DLG2: variants seen among roughly 807,000 people sequenced by gnomAD.
DLG2 encodes the protein disks large homolog 2.
Under a neutral mutation model 132.5 loss-of-function variants are expected in DLG2, and 45 were observed. The ratio of observed to expected loss-of-function variants is 0.34; its 90% CI spans 0.27 to 0.44. DLG2 has a LOEUF of 0.44. Ranked by LOEUF, DLG2 falls within the 20% of genes least tolerant of loss-of-function variation. DLG2 has a pLI of 1.00. For missense variants in DLG2, 1,045 were observed against 1,196.9 expected, an observed-to-expected ratio of 0.87 and a Z score of 1.87; for synonymous variants, 424 against 419.6, an observed-to-expected ratio of 1.01 and a Z score of -0.13.
intron 18 of DLG2, among the ~76,000 whole-genome samples, chr11:83,772,225 T>C (rs918073135): frequency 3.9e-5 from 6 of 151,946 alleles, no homozygotes; most frequent in South Asian, 2.1e-4. Context: ...CTGGGCAACA[T>C]AGTGAAACCC....
intron 3 of DLG2, among the ~76,000 whole-genome samples, chr11:85,598,284 T>C (rs1244933655): frequency 2.0e-5 from 3 of 152,108 alleles, no homozygotes; most frequent in Non-Finnish European, 4.4e-5. Flanking sequence ...ATCATTTTTA[T>C]GTTACACAAT....
intron 7 of DLG2, among the ~76,000 whole-genome samples, chr11:84,376,704 T>C (rs1235405945): frequency 1.3e-5 from 2 of 150,920 alleles, no homozygotes; most frequent in Admixed American, 6.6e-5. Flanking sequence ...AAAAACCTAA[T>C]GGAAAATTAA....
At chr11:85,553,699 A>G (rs1458275540) in intron 3 of DLG2, among the ~76,000 whole-genome samples, 1 of 151,606 alleles carries the variant, frequency 6.6e-6, no homozygotes. Flanking sequence ...TATAAAAATT[A>G]TCCATATAAC....
chr11:84,909,234 C>T (rs561386487), intron 6 of DLG2, among the ~76,000 whole-genome samples: 5 of 152,282 alleles, frequency 3.3e-5, no homozygotes, highest in Admixed American at 1.3e-4. Flanking sequence ...CATTTCTTTA[C>T]AAGATTACTG....
At chr11:85,226,221 T>C (rs1244406026) in intron 4 of DLG2, among the ~76,000 whole-genome samples, 1 of 151,518 alleles carries the variant, frequency 6.6e-6, no homozygotes, top group Non-Finnish European at 1.5e-5. Context: ...TAACAATATA[T>C]GTAGAGCACA....
chr11:85,579,534 T>C (rs944414892), intron 3 of DLG2, among the ~76,000 whole-genome samples: 1 of 152,098 alleles, frequency 6.6e-6, no homozygotes, highest in Non-Finnish European at 1.5e-5. Context: ...AAATAAAAAT[T>C]CGCCAATGAA....
chr11:83,696,875 A>G (rs905600645), intron 18 of DLG2, among the ~76,000 whole-genome samples: 1 of 152,230 alleles, frequency 6.6e-6, no homozygotes, highest in Non-Finnish European at 1.5e-5. Flanking sequence ...GGAGCCCAAG[A>G]CAAAAGAGAA....
intron 2 of DLG2, among the ~76,000 whole-genome samples, chr11:85,602,475 G>A (rs2080237280): frequency 6.6e-6 from 1 of 151,958 alleles, no homozygotes; most frequent in South Asian, 2.1e-4. Context: ...ACCCAGATGG[G>A]AATGTAGTGG....
intron 6 of DLG2, among the ~76,000 whole-genome samples, chr11:84,969,296 G>T (rs2053746387): frequency 6.6e-6 from 1 of 152,038 alleles, no homozygotes; most frequent in African/African-American, 2.4e-5. Flanking sequence ...CTCCAGCCAG[G>T]GCCAGGAATG....
chr11:84,564,364 C>A (rs2099441423), intron 6 of DLG2, among the ~76,000 whole-genome samples: 1 of 152,172 alleles, frequency 6.6e-6, no homozygotes, highest in East Asian at 1.9e-4. Context: ...CCTCAGGGAA[C>A]TGACTTTACA....
rs563916163 is a variant in DLG2 at position 83,846,800 on chromosome 11, A to T, written c.1566-13030T>A. Among the ~76,000 whole-genome samples the T allele has an allele frequency of 6.6e-5, 10 of 152,296 alleles. No homozygotes were observed. In the South Asian group the frequency reaches 2.1e-3, roughly 32 times the overall value. ...GTACTTTCTTATCCACATATCAAAC[A>T]TGATAATCTAATAACCAAGTTCCAC... On this transcript the variant is annotated intron_variant, in intron 16 of 27. Coordinates refer to ENST00000376104, the MANE Select transcript of DLG2 (RefSeq NM_001142699.3).
intron 18 of DLG2, among the ~76,000 whole-genome samples, chr11:83,740,805 A>T (rs2092442750): frequency 6.6e-6 from 1 of 152,198 alleles, no homozygotes; most frequent in South Asian, 2.1e-4. Flanking sequence ...AAAAGTTTTC[A>T]TTGCTGTATG....
At chr11:85,607,335 G>T (rs150520968) in intron 2 of DLG2, among the ~76,000 whole-genome samples, 1 of 152,158 alleles carries the variant, frequency 6.6e-6, no homozygotes, top group Admixed American at 6.5e-5. Flanking sequence ...GCTGAGCCAA[G>T]GGTCGACAGA....
chr11:84,743,393 T>TC (rs1484698412), intron 6 of DLG2, among the ~76,000 whole-genome samples: 2 of 152,230 alleles, frequency 1.3e-5, no homozygotes, highest in Admixed American at 6.5e-5. Context: ...GTAAGAATTT[T>TC]TTTTTGCAAT....
At chr11:84,390,654 C>G (rs549911394) in intron 7 of DLG2, among the ~76,000 whole-genome samples, 2 of 152,116 alleles carry the variant, frequency 1.3e-5, no homozygotes, top group African/African-American at 2.4e-5. Flanking sequence ...ATTATAGAGT[C>G]TGGTGATCAC....
intron 3 of DLG2, among the ~76,000 whole-genome samples, chr11:85,397,548 G>T (rs2087532107): frequency 6.6e-6 from 1 of 152,082 alleles, no homozygotes; most frequent in Admixed American, 6.6e-5. Flanking sequence ...CATGTGCAAA[G>T]ACAAAAATAG....
In DLG2 at chr11:85,208,098, T is replaced by G. The variant is rs555380232; in HGVS notation, c.187-53447A>C. Among the ~76,000 whole-genome samples the G allele has an allele frequency of 2.0e-5, 3 of 152,174 alleles. No homozygotes were observed. The South Asian group carries it at 6.2e-4, about 32-fold the overall frequency. On this transcript the variant is annotated intron_variant, in intron 4 of 27. Coordinates refer to ENST00000376104, the MANE Select transcript of DLG2 (RefSeq NM_001142699.3). Reference sequence around the variant, plus strand: ...TAGATATTTTATAGAACTTACCCAGTTTTATTCTTGTTAGAACCATATGAA... The same window carrying G: ...TAGATATTTTATAGAACTTACCCAGGTTTATTCTTGTTAGAACCATATGAA...
intron 6 of DLG2, among the ~76,000 whole-genome samples, chr11:85,083,912 A>T (rs2067567323): frequency 6.6e-6 from 1 of 152,152 alleles, no homozygotes; most frequent in Non-Finnish European, 1.5e-5. Flanking sequence ...AACATGGCCT[A>T]AACTCATGTT....
At chr11:84,246,532 A>G (rs2097304466) in intron 8 of DLG2, among the ~76,000 whole-genome samples, 1 of 152,202 alleles carries the variant, frequency 6.6e-6, no homozygotes, top group South Asian at 2.1e-4. Flanking sequence ...GAAAACTTGA[A>G]AATTCCTGAC....
Sources: allele counts gnomAD v4.1 joint callset (sites outside exome capture counted in the v4.1 genomes callset), GRCh38; gene constraint gnomAD v4.1.1; transcripts MANE v1.5; gene names NCBI Gene and HGNC (gene_info 2026-07-23, HGNC 2026-07-21).